The following CLEC16A variants were observed in gnomAD, a reference collection of about 807,000 sequenced individuals.
CLEC16A encodes the protein protein CLEC16A.
Under a neutral mutation model 109.5 loss-of-function variants are expected in CLEC16A, and 51 were observed. The ratio of observed to expected loss-of-function variants is 0.47; its 90% CI spans 0.37 to 0.59. CLEC16A has a LOEUF of 0.59. Among genes scored for constraint, CLEC16A ranks in the 20% least tolerant of loss-of-function variants. The probability of loss-of-function intolerance (pLI) is 0.00; values close to 1 mark genes in which losing one functional copy is unlikely to be tolerated. For missense variants in CLEC16A, 1,339 were observed against 1,394.0 expected (o/e 0.96, Z 0.63); for synonymous variants, 673 against 564.2 (o/e 1.19, Z -2.73).
intron 19 of CLEC16A, among the ~76,000 whole-genome samples, chr16:11,093,390 G>A (rs925134010): frequency 1.3e-5 from 2 of 152,144 alleles, no homozygotes; most frequent in African/African-American, 2.4e-5. Flanking sequence ...GTGCTTCAAG[G>A]CCTCCTAAAC....
At chr16:10,989,138 A>G (rs1361334197) in intron 10 of CLEC16A, among the ~76,000 whole-genome samples, 1 of 152,178 alleles carries the variant, frequency 6.6e-6, no homozygotes, top group Non-Finnish European at 1.5e-5. Flanking sequence ...CTCTGTGTGT[A>G]TACTGTGTGT....
chr16:11,123,736 G>C lies in CLEC16A; in HGVS notation c.2269-6G>C. 1.9e-6 allele frequency: 3 copies of C among 1,613,968 alleles called. No individual in the cohort carries two copies. Among genetic ancestry groups the C allele is most frequent in the Non-Finnish European group, 2.5e-6 (3 of 1,179,838 alleles). ...AATGCCTTTTCCTTTGCTTCTCACT[G>C]TGCAGGACATGCAGGTGACTGGCGT... On this transcript the variant is annotated splice_polypyrimidine_tract_variant and splice_region_variant and intron_variant, in intron 20 of 23. Transcript: ENST00000409790.
intron 1 of CLEC16A, among the ~76,000 whole-genome samples, chr16:10,946,207 T>TA (rs1205862567): frequency 2.0e-5 from 3 of 151,802 alleles, no homozygotes; most frequent in Non-Finnish European, 4.4e-5. Context: ...AGGAGGAAGA[T>TA]AGGGTTAGGG....
chr16:10,996,326 G>A (rs1040468632), intron 10 of CLEC16A, among the ~76,000 whole-genome samples: 1 of 152,284 alleles, frequency 6.6e-6, no homozygotes, highest in East Asian at 1.9e-4. Flanking sequence ...AAAGTCCAGC[G>A]GCTGTGCATC....
At chr16:10,995,744 T>C (rs1596958263) in intron 10 of CLEC16A, among the ~76,000 whole-genome samples, 1 of 152,284 alleles carries the variant, frequency 6.6e-6, no homozygotes, top group African/African-American at 2.4e-5. Flanking sequence ...GTCGCTTGGC[T>C]AGTAGAATGT....
Position 11,181,111 on chromosome 16 carries a change from T to C in CLEC16A, c.*2421T>C, listed in dbSNP as rs2068941076. 6.6e-6 allele frequency: 1 copy of C among 152,204 alleles called. No homozygotes were observed. Among genetic ancestry groups the C allele is most frequent in the Non-Finnish European group, 1.5e-5 (1 of 68,048 alleles). The allele number at this position is 152,204 out of a possible 1,614,324, so 9.4% of individuals were successfully genotyped here. On this transcript the variant is annotated 3_prime_UTR_variant, in exon 24 of 24. Transcript: ENST00000409790. ...CCAGGGCTCCCAGAAGCTTTGCTTA[T>C]GTAAGGAGGTCTGGGAGCCAGCCCA...
chr16:11,002,730 A>G (rs1031905259), intron 10 of CLEC16A, among the ~76,000 whole-genome samples: 3 of 152,126 alleles, frequency 2.0e-5, no homozygotes, highest in African/African-American at 7.2e-5. Flanking sequence ...GCTCCTGCTT[A>G]TGAGAATATG....
chr16:11,010,382 A>G (rs1257000751), intron 11 of CLEC16A, among the ~76,000 whole-genome samples: 1 of 152,082 alleles, frequency 6.6e-6, no homozygotes, highest in Non-Finnish European at 1.5e-5. Flanking sequence ...CTTTCTATTT[A>G]TACTGGTTTT....
intron 1 of CLEC16A, among the ~76,000 whole-genome samples, chr16:10,955,983 C>G (rs2041966005): frequency 6.6e-6 from 1 of 152,194 alleles, no homozygotes; most frequent in Non-Finnish European, 1.5e-5. Context: ...GAAAACTCTG[C>G]CGTTTGAAAC....
chr16:11,120,880 T>C (rs2052360197), intron 20 of CLEC16A, 114 bp downstream of exon 20: 1 of 1,074,092 alleles, frequency 9.3e-7, no homozygotes, highest in African/African-American at 1.6e-5. Flanking sequence ...TGTAGTGATA[T>C]TATACAAGGT....
In CLEC16A at chr16:11,178,947, C is replaced by T; in HGVS notation, c.*257C>T. The T allele has an allele frequency of 2.4e-6, 1 of 418,392 alleles. No homozygotes were observed. The highest frequency in any genetic ancestry group is 3.8e-5 in the East Asian group (1 of 26,658). The allele number at this position is 418,392 out of a possible 1,614,324, so 25.9% of individuals were successfully genotyped here. A position where few individuals can be genotyped will look rare whatever the true frequency, so the allele number is the denominator to read the frequency against. On this transcript the variant is annotated 3_prime_UTR_variant, in exon 24 of 24. Transcript: ENST00000409790. This position sits in a 1 kb window ranked among gnomAD's most constrained non-coding sequence, Gnocchi z 6.5. Reference sequence around the variant, plus strand: ...CGAATGCAGATGACTGCACCGGCCACTCAGGGAGCTGCCTGGGCTCCGTGT... The same window carrying T: ...CGAATGCAGATGACTGCACCGGCCATTCAGGGAGCTGCCTGGGCTCCGTGT...
At chr16:10,951,057 G>A (rs536066193) in intron 1 of CLEC16A, among the ~76,000 whole-genome samples, 1 of 152,360 alleles carries the variant, frequency 6.6e-6, no homozygotes, top group South Asian at 2.1e-4. Context: ...ATTATTAACT[G>A]TAGTGGTTTA....
chr16:11,022,232 C>T (rs2046144945), intron 12 of CLEC16A, among the ~76,000 whole-genome samples: 1 of 151,880 alleles, frequency 6.6e-6, no homozygotes, highest in Non-Finnish European at 1.5e-5. Context: ...CAGCTTTCTC[C>T]TTTGTCAAGG....
At chr16:11,020,724 A>G (rs2046049382) in intron 12 of CLEC16A, among the ~76,000 whole-genome samples, 1 of 152,212 alleles carries the variant, frequency 6.6e-6, no homozygotes, top group Admixed American at 6.5e-5. Context: ...TGCACACACA[A>G]ACACATACCC....
intron 20 of CLEC16A, 121 bp downstream of exon 20, chr16:11,120,887 A>G: frequency 9.7e-7 from 1 of 1,029,384 alleles, no homozygotes; most frequent in Non-Finnish European, 1.3e-6. Context: ...ATATTATACA[A>G]GGTATATGTG....
intron 10 of CLEC16A, among the ~76,000 whole-genome samples, chr16:11,001,088 A>G (rs776992083): frequency 6.6e-6 from 1 of 151,858 alleles, no homozygotes; most frequent in African/African-American, 2.4e-5. Flanking sequence ...TTGCATGTCT[A>G]TACCCTTTTT....
rs1396942417 is a variant in CLEC16A, at chr16:11,120,677, C to G, written c.2179C>G (p.Leu727Val). 1 of 1,612,710 alleles carries G rather than the reference C, an allele frequency of 6.2e-7. No individual in the cohort carries two copies. Among genetic ancestry groups the G allele is most frequent in the East Asian group, 2.2e-5 (1 of 44,850 alleles). The part of the protein sequence containing the change: ...TKDGGMVQRF[L>V]AVDIYQMSLV... ...GGATGGCGGCATGGTCCAGCGATTC[C>G]TGGCTGTGGATATTTACCAGATGAG... The change falls in exon 20 of 24, where the codon CTG (leucine) becomes GTG (valine). Residue 727 changes from leucine (L) to valine (V), a missense_variant. Physicochemically the swap from Leu to Val is conservative, Grantham distance 32 (BLOSUM62 1). This residue lies in a region of CLEC16A where 1,061 missense variants were observed against 1,006.8 expected (regional missense o/e 1.05). Coordinates refer to ENST00000409790, the MANE Select transcript of CLEC16A (RefSeq NM_015226.3).
At chr16:11,108,916 C>T (rs1338155745) in intron 19 of CLEC16A, among the ~76,000 whole-genome samples, 1 of 151,990 alleles carries the variant, frequency 6.6e-6, no homozygotes. Context: ...CGAGACCATC[C>T]TGGCTAACAT....
intron 19 of CLEC16A, chr16:11,070,402 T>G (rs994406901): frequency 1.3e-5 from 2 of 150,658 alleles, no homozygotes; most frequent in African/African-American, 4.9e-5. Flanking sequence ...AGATGGGATC[T>G]CACTATGTTG....
Sources: gnomAD v4.1 joint callset for allele counts (sites outside exome capture counted in the v4.1 genomes callset) on GRCh38, gnomAD v4.1.1 for gene constraint, gnomAD v4.1.1 regional missense constraint, Gnocchi (gnomAD v3.1) non-coding constraint, MANE v1.5 for transcripts, NCBI Gene and HGNC (gene_info 2026-07-23, HGNC 2026-07-21) for gene names.